The following CNTN5 variants were observed in gnomAD, a reference collection of about 807,000 sequenced individuals.
The protein encoded by CNTN5 is contactin-5.
CNTN5 carries 77 observed loss-of-function variants against 129.1 expected under a neutral mutation model. The observed-to-expected ratio is 0.60, with a 90% CI of 0.50 to 0.72. The LOEUF (loss-of-function observed/expected upper bound fraction) is 0.72, where lower values mean the gene tolerates loss of function less well. Among genes scored for constraint, CNTN5 ranks in the 30% least tolerant of loss-of-function variants. The probability of loss-of-function intolerance (pLI) is 0.00; values close to 1 mark genes in which losing one functional copy is unlikely to be tolerated. For synonymous variants in CNTN5, 509 were observed against 465.6 expected (o/e 1.09, Z -1.20); for missense variants, 1,478 against 1,328.8 (o/e 1.11, Z -1.75).
At chr11:99,295,935 G>A (rs7939244) in intron 1 of CNTN5, among the ~76,000 whole-genome samples, 9,577 of 149,208 alleles carry the variant, frequency 0.064, 646 homozygotes, top group African/African-American at 0.18. Context: ...GGCAACGTAC[G>A]TACTACTAAA....
At chr11:99,971,913 C>T (rs1324820723) in intron 8 of CNTN5, among the ~76,000 whole-genome samples, 1 of 149,688 alleles carries the variant, frequency 6.7e-6, no homozygotes. Context: ...ATGTGATCCC[C>T]AAACATTTGT....
intron 3 of CNTN5, among the ~76,000 whole-genome samples, chr11:99,786,842 C>G (rs1254718787): frequency 6.6e-6 from 1 of 152,122 alleles, no homozygotes. Flanking sequence ...ACACGTTATA[C>G]AAAAATTAAC....
chr11:100,176,851 GGTGT>G (rs3031275), intron 13 of CNTN5, among the ~76,000 whole-genome samples: 207 of 150,186 alleles, frequency 1.4e-3, no homozygotes, highest in African/African-American at 4.2e-3. Flanking sequence ...CATATAGTAT[GGTGT>G]GTGTGTGTGT....
intron 6 of CNTN5, among the ~76,000 whole-genome samples, chr11:99,890,993 C>A (rs1383317844): frequency 6.6e-6 from 1 of 151,810 alleles, no homozygotes; most frequent in Non-Finnish European, 1.5e-5. Flanking sequence ...ACCAAAACTG[C>A]AAATAAAAGG....
At chr11:100,289,060 G>C (rs1263513467) in intron 18 of CNTN5, among the ~76,000 whole-genome samples, 2 of 152,112 alleles carry the variant, frequency 1.3e-5, no homozygotes, top group Non-Finnish European at 2.9e-5. Context: ...CTAAGCCAGG[G>C]AGAGGTTGAA....
At position 99,160,518 on chromosome 11, in the gene CNTN5, A is replaced by G. The variant is rs116959770; in HGVS notation, c.-210+139248A>G. Among the ~76,000 whole-genome samples the G allele has an allele frequency of 9.0e-3, 1,373 of 152,254 alleles. 11 individuals carry two copies. Among genetic ancestry groups the G allele is most frequent in the African/African-American group, 0.011 (453 of 41,558 alleles). ...TACCTCACCTAAACATATCACTAGGATTGTCTTAAATGATATATATTTTAC... is the reference window on the plus strand; with the variant it reads ...TACCTCACCTAAACATATCACTAGGGTTGTCTTAAATGATATATATTTTAC... On this transcript the variant is annotated intron_variant, in intron 1 of 24. Coordinates refer to ENST00000524871, the MANE Select transcript of CNTN5 (RefSeq NM_014361.4).
At chr11:99,442,174 A>G (rs933595029) in intron 2 of CNTN5, among the ~76,000 whole-genome samples, 4 of 151,828 alleles carry the variant, frequency 2.6e-5, no homozygotes, top group African/African-American at 9.7e-5. Context: ...TATGAGGGCT[A>G]TATATATTTT....
In CNTN5 at chr11:99,410,740, C is replaced by T. The variant is rs540207343; in HGVS notation, c.-71+85256C>T. Among the ~76,000 whole-genome samples, 4 of 152,318 alleles carry T rather than the reference C, an allele frequency of 2.6e-5. No homozygotes were observed. The East Asian group carries it at 7.7e-4, about 29-fold the overall frequency. ...GCATGAATAATGTGTACATTACTTG[C>T]ATAATTGGTTTTGTGCGTACATATG... On this transcript the variant is annotated intron_variant, in intron 2 of 24. Coordinates refer to ENST00000524871, the MANE Select transcript of CNTN5 (RefSeq NM_014361.4).
At chr11:99,356,845 G>C (rs1312589089) in intron 2 of CNTN5, among the ~76,000 whole-genome samples, 2 of 152,122 alleles carry the variant, frequency 1.3e-5, no homozygotes, top group Non-Finnish European at 2.9e-5. Context: ...AAATAATTAG[G>C]TTCTGTATTT....
intron 13 of CNTN5, among the ~76,000 whole-genome samples, chr11:100,164,924 C>T (rs1241930753): frequency 6.6e-6 from 1 of 151,788 alleles, no homozygotes; most frequent in Non-Finnish European, 1.5e-5. Flanking sequence ...GGAGATATTA[C>T]ACATAAAAGT....
chr11:100,194,055 A>T (rs1237838738), intron 15 of CNTN5, among the ~76,000 whole-genome samples: 1 of 151,940 alleles, frequency 6.6e-6, no homozygotes, highest in East Asian at 1.9e-4. Flanking sequence ...TAATTTTTGG[A>T]GTTTCTTTAA....
chr11:99,854,913 T>C (rs930909133), intron 6 of CNTN5, among the ~76,000 whole-genome samples: 3 of 152,086 alleles, frequency 2.0e-5, no homozygotes, highest in East Asian at 3.9e-4. Context: ...AAGAAGCTAG[T>C]GAAAGAGAGA....
At chr11:99,258,542 T>A (rs1373781924) in intron 1 of CNTN5, among the ~76,000 whole-genome samples, 2 of 152,020 alleles carry the variant, frequency 1.3e-5, no homozygotes, top group Non-Finnish European at 2.9e-5. Flanking sequence ...ACATACTCCA[T>A]TTACACAAGT....
At chr11:99,314,435 T>C (rs184382162) in intron 1 of CNTN5, among the ~76,000 whole-genome samples, 100 of 152,216 alleles carry the variant, frequency 6.6e-4, no homozygotes, top group African/African-American at 2.2e-3. Context: ...CACTTGGACA[T>C]AGAGCATCTC....
chr11:99,863,435 C>T (rs79597718), intron 6 of CNTN5, among the ~76,000 whole-genome samples: 73 of 151,234 alleles, frequency 4.8e-4, no homozygotes, highest in African/African-American at 9.7e-4. Context: ...TAATAGAGCA[C>T]GGTTGTATAT....
intron 3 of CNTN5, among the ~76,000 whole-genome samples, chr11:99,672,141 G>A (rs35789509): frequency 0.053 from 8,013 of 152,118 alleles, 398 homozygotes; most frequent in East Asian, 0.29. Flanking sequence ...TTTTAAAATT[G>A]TAATTTCACC....
In CNTN5 at chr11:100,341,141, A is replaced by G; in HGVS notation, c.2966A>G (p.Gln989Arg). The G allele has an allele frequency of 6.2e-7, 1 of 1,613,926 alleles. No individual in the cohort carries two copies. The highest frequency in any genetic ancestry group is 8.5e-7 in the Non-Finnish European group (1 of 1,179,818). The change falls in exon 23 of 25, where the codon CAG becomes CGG. Residue 989 changes from glutamine (Q) to arginine (R), a missense_variant. Gln to Arg is a conservative substitution (Grantham distance 43, BLOSUM62 1). Coordinates refer to ENST00000524871, the MANE Select transcript of CNTN5 (RefSeq NM_014361.4). ...SNLRWEQQGS[Q>R]VSLGWEPVIP... ...CTCAGGTGGGAGCAGCAAGGCTCTCAGGTTTCTCTGGGCTGGGAACCCGTC... is the reference window on the plus strand; with the variant it reads ...CTCAGGTGGGAGCAGCAAGGCTCTCGGGTTTCTCTGGGCTGGGAACCCGTC...
intron 19 of CNTN5, 74 bp from the exon 20 acceptor site, chr11:100,299,088 T>C: frequency 2.0e-6 from 2 of 984,954 alleles, no homozygotes; most frequent in South Asian, 1.8e-5. Flanking sequence ...TAATTTTTTT[T>C]AATTAAGAAT....
chr11:100,151,352 A>G (rs1947046908), intron 13 of CNTN5, among the ~76,000 whole-genome samples: 1 of 152,136 alleles, frequency 6.6e-6, no homozygotes, highest in South Asian at 2.1e-4. Context: ...GCAGTGAGCA[A>G]GAGACAAAAA....
Sources: gnomAD v4.1 joint callset for allele counts (sites outside exome capture counted in the v4.1 genomes callset) on GRCh38, gnomAD v4.1.1 for gene constraint, MANE v1.5 for transcripts, NCBI Gene and HGNC (gene_info 2026-07-23, HGNC 2026-07-21) for gene names.